TRIM5: variants seen among roughly 807,000 people sequenced by gnomAD.
The protein encoded by TRIM5 is tripartite motif-containing protein 5.
Under a neutral mutation model 35.6 loss-of-function variants are expected in TRIM5, and 31 were observed. That is an observed-to-expected ratio of 0.87 (90% CI 0.65 to 1.18). The LOEUF (loss-of-function observed/expected upper bound fraction) is 1.18, where lower values mean the gene tolerates loss of function less well. TRIM5 is among the 50% of genes most tolerant of loss of function. The pLI is 0.00. For synonymous variants in TRIM5, 243 were observed against 215.6 expected, an observed-to-expected ratio of 1.13 and a Z score of -1.11; for missense variants, 609 against 591.6, an observed-to-expected ratio of 1.03 and a Z score of -0.31.
intron 1 of TRIM5, among the ~76,000 whole-genome samples, chr11:5,681,972 T>A (rs901176382): frequency 2.0e-5 from 3 of 152,140 alleles, no homozygotes; most frequent in Non-Finnish European, 2.9e-5. Flanking sequence ...CTAATTTTTG[T>A]ATTTTTGGTA....
chr11:5,648,087 C>T, the TRIM5 span, among the ~76,000 whole-genome samples: 4 of 152,092 alleles, frequency 2.6e-5, no homozygotes, highest in South Asian at 2.1e-4. Context: ...GATTGAACTC[C>T]GGGCAATTCT....
downstream of TRIM5, among the ~76,000 whole-genome samples, chr11:5,662,648 GAACA>G (rs1203540055): frequency 6.6e-6 from 1 of 152,096 alleles, no homozygotes; most frequent in Non-Finnish European, 1.5e-5. Context: ...ATGAAATTAA[GAACA>G]AAGATTTTTT....
At chr11:5,678,094 C>T (rs568953510) in intron 4 of TRIM5, 110 bp downstream of exon 4, 64 of 834,382 alleles carry the variant, frequency 7.7e-5, no homozygotes, top group African/African-American at 5.2e-4. Context: ...TTCAGAAAAG[C>T]GGTCCTGCAG....
the TRIM5 span, among the ~76,000 whole-genome samples, chr11:5,598,066 T>C: frequency 6.6e-6 from 1 of 152,150 alleles, no homozygotes; most frequent in Non-Finnish European, 1.5e-5. Context: ...GGTTGTGAAT[T>C]TGGGCTCTTT....
chr11:5,669,594 T>C (rs1471465995), intron 4 of TRIM5, among the ~76,000 whole-genome samples: 1 of 152,240 alleles, frequency 6.6e-6, no homozygotes, highest in East Asian at 1.9e-4. Flanking sequence ...TTTTATGTTG[T>C]ATGTAACATA....
chr11:5,660,207 T>G (rs924491228), downstream of TRIM5, among the ~76,000 whole-genome samples: 1 of 152,128 alleles, frequency 6.6e-6, no homozygotes, highest in East Asian at 1.9e-4. Context: ...GAAATCCTGA[T>G]CTTGTGATCT....
chr11:5,658,119 C>T, the TRIM5 span, among the ~76,000 whole-genome samples: 2 of 152,120 alleles, frequency 1.3e-5, no homozygotes, highest in African/African-American at 4.8e-5. Flanking sequence ...TCCAAGATCA[C>T]CCTGGCCTGC....
the TRIM5 span, chr11:5,608,492 G>T: frequency 6.4e-7 from 1 of 1,562,336 alleles, no homozygotes; most frequent in Non-Finnish European, 8.7e-7. Context: ...GAGTGGGGAA[G>T]ATTCAAGAGA....
At chr11:5,615,792 C>T in the TRIM5 span, among the ~76,000 whole-genome samples, 1 of 151,868 alleles carries the variant, frequency 6.6e-6, no homozygotes, top group South Asian at 2.1e-4. Context: ...GGGGTTTCAC[C>T]ATGTTGGTCA....
intron 4 of TRIM5, among the ~76,000 whole-genome samples, chr11:5,677,287 G>C (rs1405805559): frequency 6.6e-6 from 1 of 151,996 alleles, no homozygotes; most frequent in East Asian, 1.9e-4. Flanking sequence ...TCAAAAAGTG[G>C]GCGAAGGACA....
chr11:5,602,046 G>A, the TRIM5 span, among the ~76,000 whole-genome samples: 7 of 152,140 alleles, frequency 4.6e-5, no homozygotes, highest in Non-Finnish European at 4.4e-5. Context: ...CTCTATGCTA[G>A]CTGCCGAAGA....
At chr11:5,667,058 T>G (rs1851193762) in intron 5 of TRIM5, among the ~76,000 whole-genome samples, 1 of 152,184 alleles carries the variant, frequency 6.6e-6, no homozygotes, top group Non-Finnish European at 1.5e-5. Flanking sequence ...GAGAACTAGA[T>G]GTAGGTAATA....
chr11:5,677,589 C>T (rs1015145023), intron 4 of TRIM5, among the ~76,000 whole-genome samples: 7 of 152,142 alleles, frequency 4.6e-5, no homozygotes, highest in Non-Finnish European at 7.4e-5. Context: ...TTAGTAGAGA[C>T]GGGGTTTCAC....
the TRIM5 span, chr11:5,645,878 A>AT: frequency 0.26 from 38,158 of 147,062 alleles, 5,705 homozygotes; most frequent in Non-Finnish European, 0.34. Flanking sequence ...AAAAAAAAAA[A>AT]AAATATATAT....
chr11:5,646,280 T>C, the TRIM5 span, among the ~76,000 whole-genome samples: 3,085 of 151,966 alleles, frequency 0.02, 100 homozygotes, highest in African/African-American at 0.067. Flanking sequence ...ATATTGACTA[T>C]ATGCAAAGGA....
chr11:5,658,510 T>C (rs1169492667), downstream of TRIM5, among the ~76,000 whole-genome samples: 6 of 152,236 alleles, frequency 3.9e-5, no homozygotes. Flanking sequence ...TCAGAGCAGA[T>C]AAACACAAGC....
At chr11:5,636,551 G>T in the TRIM5 span, among the ~76,000 whole-genome samples, 7 of 152,084 alleles carry the variant, frequency 4.6e-5, no homozygotes, top group Non-Finnish European at 7.4e-5. Context: ...AAACAAAAAG[G>T]TTCCGTAGGC....
At chr11:5,634,018 C>G in the TRIM5 span, 1 of 1,072,838 alleles carries the variant, frequency 9.3e-7, no homozygotes, top group Non-Finnish European at 1.3e-6. Context: ...TTGATTAGTT[C>G]TCTTCTCTGT....
At chr11:5,634,520 CACACACACACATATATAT>C in the TRIM5 span, 909 of 636,300 alleles carry the variant, frequency 1.4e-3, 20 homozygotes, top group African/African-American at 0.016. Flanking sequence ...CACACACACA[CACACACACACATATATAT>C]ATATATATAT....
Sources: gnomAD v4.1 joint callset for allele counts (sites outside exome capture counted in the v4.1 genomes callset) on GRCh38, gnomAD v4.1.1 for gene constraint, MANE v1.5 for transcripts, NCBI Gene and HGNC (gene_info 2026-07-23, HGNC 2026-07-21) for gene names.